Variants in GLRA3 observed in about 807,000 individuals in gnomAD.
The protein encoded by GLRA3 is glycine receptor alpha 3, also known as glycine receptor subunit alpha-3.
Under a neutral mutation model 60.4 loss-of-function variants are expected in GLRA3, and 44 were observed. The observed-to-expected ratio is 0.73, with a 90% CI of 0.57 to 0.94. GLRA3 has a LOEUF of 0.94. Among genes scored for constraint, GLRA3 ranks in the 40% least tolerant of loss-of-function variants. The pLI is 0.00. For synonymous variants in GLRA3, 223 were observed against 192.9 expected, an observed-to-expected ratio of 1.16 and a Z score of -1.29; for missense variants, 508 against 564.6, an observed-to-expected ratio of 0.90 and a Z score of 1.02.
At chr4:174,679,158 C>T (rs915500972) in intron 6 of GLRA3, among the ~76,000 whole-genome samples, 4 of 152,032 alleles carry the variant, frequency 2.6e-5, no homozygotes, top group East Asian at 1.9e-4. Flanking sequence ...GGTGCAACCC[C>T]GTCTCTACTA....
chr4:174,808,121 G>A (rs1414215702), intron 1 of GLRA3, among the ~76,000 whole-genome samples: 1 of 151,848 alleles, frequency 6.6e-6, no homozygotes, highest in East Asian at 1.9e-4. Context: ...TTTGAGAGTG[G>A]GAGGAAGAAA....
intron 1 of GLRA3, among the ~76,000 whole-genome samples, chr4:174,793,950 A>G (rs2111320487): frequency 6.6e-6 from 1 of 152,178 alleles, no homozygotes; most frequent in Non-Finnish European, 1.5e-5. Flanking sequence ...GATTTTCACT[A>G]TCTACCAACA....
intron 2 of GLRA3, among the ~76,000 whole-genome samples, chr4:174,772,348 G>A (rs776344385): frequency 1.4e-4 from 21 of 152,094 alleles, no homozygotes; most frequent in Non-Finnish European, 2.8e-4. Context: ...TCACGTGCAA[G>A]TAAAGTAACT....
chr4:174,711,810 A>G (rs1735729629), intron 5 of GLRA3, among the ~76,000 whole-genome samples: 1 of 152,114 alleles, frequency 6.6e-6, no homozygotes, highest in Non-Finnish European at 1.5e-5. Flanking sequence ...TTTCTGGTTA[A>G]AATTATTCTG....
At chr4:174,739,432 G>A (rs1215753158) in intron 3 of GLRA3, among the ~76,000 whole-genome samples, 2 of 150,330 alleles carry the variant, frequency 1.3e-5, no homozygotes, top group African/African-American at 5.0e-5. Context: ...TCACTTTTTT[G>A]TGGGCTCTGG....
chr4:174,742,281 C>A (rs1017105508), intron 3 of GLRA3, among the ~76,000 whole-genome samples: 7 of 151,980 alleles, frequency 4.6e-5, no homozygotes, highest in Non-Finnish European at 1.0e-4. Context: ...ATATATTATT[C>A]GAGGTTTTTA....
intron 5 of GLRA3, among the ~76,000 whole-genome samples, chr4:174,706,940 A>G (rs1252684878): frequency 1.3e-5 from 2 of 152,220 alleles, no homozygotes; most frequent in Non-Finnish European, 2.9e-5. Context: ...GGTCAGTAGG[A>G]GCCAGAATTA....
chr4:174,778,679 A>T (rs903886217), intron 2 of GLRA3, among the ~76,000 whole-genome samples: 3 of 152,260 alleles, frequency 2.0e-5, no homozygotes, highest in African/African-American at 4.8e-5. Flanking sequence ...GCAAGGGGTC[A>T]GGGAGTTCCC....
At chr4:174,694,880 T>C (rs1050911865) in intron 5 of GLRA3, among the ~76,000 whole-genome samples, 1 of 151,786 alleles carries the variant, frequency 6.6e-6, no homozygotes, top group Non-Finnish European at 1.5e-5. Flanking sequence ...TAATTAGAAA[T>C]GATGAAGAGA....
At chr4:174,776,166 A>C (rs940129493) in intron 2 of GLRA3, among the ~76,000 whole-genome samples, 27 of 152,202 alleles carry the variant, frequency 1.8e-4, no homozygotes, top group Non-Finnish European at 5.9e-5. Context: ...TGATTAGGGC[A>C]AACACAGTAC....
At chr4:174,805,939 T>C (rs1432082696) in intron 1 of GLRA3, among the ~76,000 whole-genome samples, 1 of 152,126 alleles carries the variant, frequency 6.6e-6, no homozygotes, top group African/African-American at 2.4e-5. Flanking sequence ...CACCCTTGAT[T>C]TGATTTAGAG....
chr4:174,695,993 G>T (rs1735037648), intron 5 of GLRA3, among the ~76,000 whole-genome samples: 1 of 151,586 alleles, frequency 6.6e-6, no homozygotes, highest in Non-Finnish European at 1.5e-5. Flanking sequence ...TTTACAATTG[G>T]CACAAAATAA....
rs1204048828 is a variant in GLRA3, at chr4:174,787,340, C to G, written c.199+1476G>C. On this transcript the variant is annotated intron_variant, in intron 2 of 9. Coordinates refer to ENST00000274093, the MANE Select transcript of GLRA3 (RefSeq NM_006529.4). ...ACTCACCATAATGAATCTGCTAATTCCCGATTATGTGTCTTGTGGTTTAGT... is the reference window on the plus strand; with the variant it reads ...ACTCACCATAATGAATCTGCTAATTGCCGATTATGTGTCTTGTGGTTTAGT... Among the ~76,000 whole-genome samples, 3 of 152,000 alleles carry G rather than the reference C, an allele frequency of 2.0e-5. No individual in the cohort carries two copies. The East Asian group carries it at 5.8e-4, about 29-fold the overall frequency.
chr4:174,684,231 G>A (rs564462423), intron 5 of GLRA3, among the ~76,000 whole-genome samples: 5 of 151,704 alleles, frequency 3.3e-5, no homozygotes, highest in African/African-American at 1.2e-4. Flanking sequence ...TACCATAAAG[G>A]ATTCTCTTTT....
At chr4:174,661,315 T>C (rs1733428128) in intron 7 of GLRA3, among the ~76,000 whole-genome samples, 2 of 152,314 alleles carry the variant, frequency 1.3e-5, no homozygotes, top group African/African-American at 4.8e-5. Context: ...CTTTAGCCTA[T>C]ACCCTTTCTA....
At position 174,779,071 on chromosome 4, in the gene GLRA3, G is replaced by A. The variant is rs573081154; in HGVS notation, c.199+9745C>T. On this transcript the variant is annotated intron_variant, in intron 2 of 9. Transcript: ENST00000274093. ...AACTTCTGCAGACTTAAATGTCCCT[G>A]TCTGACAGCTTTGAAGAGAGCAGTG... Among the ~76,000 whole-genome samples, 15 of 152,270 alleles carry A rather than the reference G, an allele frequency of 9.9e-5. No homozygotes were observed. In the South Asian group the frequency reaches 2.3e-3, roughly 23 times the overall value.
At chr4:174,784,324 C>A (rs1260972773) in intron 2 of GLRA3, among the ~76,000 whole-genome samples, 141 of 117,720 alleles carry the variant, frequency 1.2e-3, no homozygotes, top group African/African-American at 4.4e-3. Context: ...TTGTGGGGTG[C>A]GGGGAGGGGG....
chr4:174,773,086 A>C (rs1028856117), intron 2 of GLRA3, among the ~76,000 whole-genome samples: 1 of 152,198 alleles, frequency 6.6e-6, no homozygotes, highest in Non-Finnish European at 1.5e-5. Flanking sequence ...TTGCCATTAC[A>C]GAGAGCACCT....
At chr4:174,704,846 C>A (rs1735458742) in intron 5 of GLRA3, among the ~76,000 whole-genome samples, 1 of 142,976 alleles carries the variant, frequency 7.0e-6, no homozygotes, top group Non-Finnish European at 1.6e-5. Context: ...CACACAAAGA[C>A]AAATACTGTA....
Sources: allele counts gnomAD v4.1 joint callset (sites outside exome capture counted in the v4.1 genomes callset), GRCh38; gene constraint gnomAD v4.1.1; transcripts MANE v1.5; gene names NCBI Gene and HGNC (gene_info 2026-07-23, HGNC 2026-07-21).